Variants in PKNOX2 observed in about 807,000 individuals in gnomAD.
PKNOX2 encodes PBX/knotted 1 homeobox 2.
Under a neutral mutation model 53.1 loss-of-function variants are expected in PKNOX2, and 14 were observed. The observed-to-expected ratio is 0.26, with a 90% CI of 0.17 to 0.41. The LOEUF is 0.41. Ranked by LOEUF, PKNOX2 falls within the 10% of genes least tolerant of loss-of-function variation. The pLI, the probability that PKNOX2 is intolerant of heterozygous loss-of-function variation, is 1.00. For synonymous variants in PKNOX2, 257 were observed against 242.8 expected (o/e 1.06, Z -0.54); for missense variants, 496 against 602.8 (o/e 0.82, Z 1.85).
chr11:125,418,410 A>G (rs1336862047), intron 10 of PKNOX2, among the ~76,000 whole-genome samples: 1 of 152,036 alleles, frequency 6.6e-6, no homozygotes, highest in South Asian at 2.1e-4. Flanking sequence ...CATGACGGGT[A>G]TACTCTGCAT....
chr11:125,426,694 A>G (rs1956444489), intron 10 of PKNOX2, among the ~76,000 whole-genome samples: 1 of 151,836 alleles, frequency 6.6e-6, no homozygotes, highest in South Asian at 2.1e-4. Context: ...TCACTACACA[A>G]TCCTTCAACG....
chr11:125,414,440 T>G (rs975330888), intron 10 of PKNOX2, among the ~76,000 whole-genome samples: 2 of 151,770 alleles, frequency 1.3e-5, no homozygotes, highest in Non-Finnish European at 2.9e-5. Context: ...GCAAGGGGAG[T>G]GGCCACTGGG....
chr11:125,236,363 G>A (rs1942695108), intron 2 of PKNOX2, among the ~76,000 whole-genome samples: 1 of 115,080 alleles, frequency 8.7e-6, no homozygotes, highest in South Asian at 3.2e-4. Flanking sequence ...CCTGTTCCAG[G>A]AAAGCCTGCC....
intron 2 of PKNOX2, among the ~76,000 whole-genome samples, chr11:125,310,233 A>G (rs1948720497): frequency 6.6e-6 from 1 of 152,124 alleles, no homozygotes; most frequent in African/African-American, 2.4e-5. Context: ...GCGGTGGCTC[A>G]CACCTGTAAT....
chr11:125,314,483 G>A (rs1949031260), intron 2 of PKNOX2, among the ~76,000 whole-genome samples: 1 of 152,160 alleles, frequency 6.6e-6, no homozygotes, highest in African/African-American at 2.4e-5. Context: ...CTGGGAGCAT[G>A]CTGCTTCCCC....
In PKNOX2 at chr11:125,248,908, A is replaced by G. The variant is rs1007166057; in HGVS notation, c.-130+13793A>G. Among the ~76,000 whole-genome samples the G allele has an allele frequency of 1.5e-3, 134 of 88,062 alleles. 1 individual carries two copies. The East Asian group carries it at 0.036, about 24-fold the overall frequency. The allele number at this position is 88,062 out of a possible 152,430, so 57.8% of individuals were successfully genotyped here. A position where few individuals can be genotyped will look rare whatever the true frequency, so the allele number is the denominator to read the frequency against. On this transcript the variant is annotated intron_variant, in intron 2 of 12. Transcript: ENST00000298282. The stretch of plus-strand genomic sequence containing the variant: ...ATAACATATATAATATATATAACGT[A>G]TATATATAACATATATAATATACAT...
At chr11:125,292,186 C>T (rs750958846) in intron 2 of PKNOX2, among the ~76,000 whole-genome samples, 5 of 152,218 alleles carry the variant, frequency 3.3e-5, no homozygotes, top group South Asian at 2.1e-4. Context: ...CCTTTCTCCC[C>T]GGCTTAGGTC....
intron 10 of PKNOX2, among the ~76,000 whole-genome samples, chr11:125,423,529 C>T (rs755749349): frequency 6.6e-5 from 10 of 152,198 alleles, no homozygotes; most frequent in Non-Finnish European, 1.2e-4. Flanking sequence ...CCAGTTACTC[C>T]GAAGGCCCCG....
At chr11:125,187,705 A>G (rs1956542722) in intron 1 of PKNOX2, among the ~76,000 whole-genome samples, 1 of 151,772 alleles carries the variant, frequency 6.6e-6, no homozygotes. Flanking sequence ...ACTTCCAGCC[A>G]ATATTGAATA....
At chr11:125,414,284 A>T (rs575615815) in intron 10 of PKNOX2, among the ~76,000 whole-genome samples, 140 of 152,282 alleles carry the variant, frequency 9.2e-4, no homozygotes, top group African/African-American at 3.3e-3. Flanking sequence ...GCCGAAACGC[A>T]TGAGGAGGGG....
At chr11:125,256,307 A>C (rs1944396967) in intron 2 of PKNOX2, among the ~76,000 whole-genome samples, 1 of 152,002 alleles carries the variant, frequency 6.6e-6, no homozygotes, top group African/African-American at 2.4e-5. Flanking sequence ...ACAAGCAGAG[A>C]TAAAAAGGGC....
At chr11:125,288,855 C>T (rs2135895826) in intron 2 of PKNOX2, among the ~76,000 whole-genome samples, 1 of 152,326 alleles carries the variant, frequency 6.6e-6, no homozygotes, top group Middle Eastern at 3.4e-3. Flanking sequence ...GTGAGATCCG[C>T]AGGTGCTTTG....
intron 2 of PKNOX2, among the ~76,000 whole-genome samples, chr11:125,310,215 G>A (rs1346674700): frequency 1.3e-5 from 2 of 151,978 alleles, no homozygotes; most frequent in African/African-American, 4.8e-5. Context: ...AATACTATTA[G>A]GCCGGGCGCG....
At position 125,351,303 on chromosome 11, in the gene PKNOX2, C is replaced by T. The variant is rs1182467412; in HGVS notation, c.-3C>T. ...CCACAGGTCCTCCATGTGAATCAATCCCATGATGCAACATGCCTCCCCAGC... is the reference window on the plus strand; with the variant it reads ...CCACAGGTCCTCCATGTGAATCAATTCCATGATGCAACATGCCTCCCCAGC... On this transcript the variant is annotated 5_prime_UTR_variant, in exon 4 of 13. Coordinates refer to ENST00000298282, the MANE Select transcript of PKNOX2 (RefSeq NM_001382323.2). The T allele has an allele frequency of 6.3e-7, 1 of 1,594,106 alleles. No individual in the cohort carries two copies. Among genetic ancestry groups the T allele is most frequent in the Admixed American group, 1.7e-5 (1 of 59,470 alleles).
At chr11:125,405,842 T>C (rs1165195460) in intron 7 of PKNOX2, among the ~76,000 whole-genome samples, 1 of 152,016 alleles carries the variant, frequency 6.6e-6, no homozygotes, top group African/African-American at 2.4e-5. Context: ...GGCGTGTTGG[T>C]TTTCATCTGA....
chr11:125,326,028 C>A (rs1158397449), intron 2 of PKNOX2, among the ~76,000 whole-genome samples: 3 of 152,214 alleles, frequency 2.0e-5, no homozygotes, highest in African/African-American at 7.2e-5. Context: ...TTTCTAGTAG[C>A]AGCTCCTCTT....
rs371091100 is a variant in PKNOX2, at chr11:125,351,364, C to A, written c.59C>A (p.Pro20Gln). The A allele has an allele frequency of 3.1e-6, 5 of 1,605,698 alleles. No homozygotes were observed. In the African/African-American group the frequency reaches 5.3e-5, roughly 17 times the overall value. ...ALTMMATQNV[P>Q]PPPYQDSPQM... ...ACGATGATGGCCACGCAGAATGTCC[C>A]GCCCCCACCCTACCAGGACAGCCCA... Residue 20 changes from proline to glutamine, a missense_variant, in exon 4 of 13, where the codon CCG becomes CAG. Physicochemically the swap from Pro to Gln is moderately conservative, Grantham distance 76. This residue lies in a region of PKNOX2 where 168 missense variants were observed against 178.4 expected (regional missense o/e 0.94). Transcript: ENST00000298282.
intron 2 of PKNOX2, among the ~76,000 whole-genome samples, chr11:125,267,999 C>T (rs1020782266): frequency 2.0e-5 from 3 of 152,188 alleles, no homozygotes; most frequent in Non-Finnish European, 4.4e-5. Context: ...CAACTTAAAA[C>T]TCAGGGAGTC....
Position 125,379,719 on chromosome 11 carries a change from G to A in PKNOX2, c.228-5832G>A, listed in dbSNP as rs184575464. ...TGCCCTGTCTCTAATCGCCTCTCCC[G>A]GGGACAGCTGCACACACCTTGGCCC... On this transcript the variant is annotated intron_variant, in intron 5 of 12. Coordinates refer to ENST00000298282, the MANE Select transcript of PKNOX2 (RefSeq NM_001382323.2). Among the ~76,000 whole-genome samples, 174 of 152,136 alleles carry A rather than the reference G, an allele frequency of 1.1e-3. 2 individuals are homozygous for A. In the East Asian group the frequency reaches 0.028, roughly 25 times the overall value.
Sources: allele counts gnomAD v4.1 joint callset (sites outside exome capture counted in the v4.1 genomes callset), GRCh38; gene constraint gnomAD v4.1.1; regional missense constraint gnomAD v4.1.1; transcripts MANE v1.5; gene names NCBI Gene and HGNC (gene_info 2026-07-23, HGNC 2026-07-21).